Variants in RBM47 observed in about 807,000 individuals in gnomAD.
RBM47 encodes the protein RNA-binding protein 47.
In RBM47, 21 loss-of-function variants were observed where a neutral mutation model predicts 47.1. That is an observed-to-expected ratio of 0.45 (90% CI 0.32 to 0.64). RBM47 has a LOEUF of 0.64. RBM47 is among the 30% of genes least tolerant of loss of function. RBM47 has a pLI of 0.05. For synonymous variants in RBM47, 375 were observed against 361.7 expected, an observed-to-expected ratio of 1.04 and a Z score of -0.42; for missense variants, 708 against 870.9, an observed-to-expected ratio of 0.81 and a Z score of 2.35.
intron 3 of RBM47, among the ~76,000 whole-genome samples, chr4:40,454,800 C>T (rs1223148952): frequency 6.6e-6 from 1 of 152,136 alleles, no homozygotes; most frequent in Non-Finnish European, 1.5e-5. Context: ...GGCCATACTG[C>T]CCCTTTTTAA....
chr4:40,490,931 A>C (rs1473891835), intron 2 of RBM47, among the ~76,000 whole-genome samples: 1 of 152,180 alleles, frequency 6.6e-6, no homozygotes, highest in Non-Finnish European at 1.5e-5. Flanking sequence ...TAAAATTCCT[A>C]CAGAAATTCA....
At chr4:40,471,034 C>T (rs920422319) in intron 2 of RBM47, among the ~76,000 whole-genome samples, 2 of 152,168 alleles carry the variant, frequency 1.3e-5, no homozygotes, top group African/African-American at 2.4e-5. Context: ...TGAGCCACCG[C>T]GTCTCGCCAG....
intron 2 of RBM47, among the ~76,000 whole-genome samples, chr4:40,486,069 C>CAAAAAAAAAAAA (rs201408070): frequency 6.4e-5 from 4 of 62,816 alleles, no homozygotes; most frequent in Admixed American, 2.1e-4. Context: ...AACCCTGTTT[C>CAAAAAAAAAAAA]AAAAAAAAAA....
chr4:40,521,736 G>T (rs1726211004), intron 2 of RBM47, among the ~76,000 whole-genome samples: 1 of 152,118 alleles, frequency 6.6e-6, no homozygotes, highest in Non-Finnish European at 1.5e-5. Context: ...GCACTTCAAA[G>T]AACACAACAG....
intron 2 of RBM47, among the ~76,000 whole-genome samples, chr4:40,496,568 AC>A (rs1400154048): frequency 6.6e-6 from 1 of 152,180 alleles, no homozygotes; most frequent in Non-Finnish European, 1.5e-5. Flanking sequence ...CCAAATAGCT[AC>A]CAACCAAAAT....
At position 40,438,572 on chromosome 4, in the gene RBM47, C is replaced by A. The variant is rs748051934; in HGVS notation, c.322G>T (p.Gly108Cys). 1 of 1,613,952 alleles carries A rather than the reference C, an allele frequency of 6.2e-7. No individual in the cohort carries two copies. The highest frequency in any genetic ancestry group is 8.5e-7 in the Non-Finnish European group (1 of 1,179,980). Residue 108 changes from glycine to cysteine, a missense_variant, in exon 4 of 7, where the codon GGC (glycine) becomes TGC (cysteine). Coordinates refer to ENST00000295971, the MANE Select transcript of RBM47 (RefSeq NM_001098634.2). ...YELRLMMDFD[G>C]KNRGYAFVMY... is the part of the protein sequence containing the mutation. ...ACGAAGGCGTAGCCGCGGTTCTTGC[C>A]GTCAAAGTCCATCATGAGGCGCAGC...
intron 2 of RBM47, among the ~76,000 whole-genome samples, chr4:40,473,379 T>A (rs1433743586): frequency 6.6e-6 from 1 of 152,162 alleles, no homozygotes; most frequent in Admixed American, 6.6e-5. Flanking sequence ...TGCACTCCAA[T>A]CTGGAAGAGT....
intron 5 of RBM47, among the ~76,000 whole-genome samples, chr4:40,434,295 C>T (rs1031345826): frequency 6.6e-6 from 1 of 152,128 alleles, no homozygotes; most frequent in Admixed American, 6.6e-5. Context: ...CCTGGTGCCT[C>T]TCCTAAAATA....
At chr4:40,486,915 G>A (rs1178853771) in intron 2 of RBM47, among the ~76,000 whole-genome samples, 1 of 152,196 alleles carries the variant, frequency 6.6e-6, no homozygotes, top group Admixed American at 6.5e-5. Context: ...GTTCTTAACT[G>A]TCAGGTGATC....
chr4:40,596,958 T>A (rs1734809209), intron 1 of RBM47, among the ~76,000 whole-genome samples: 1 of 152,200 alleles, frequency 6.6e-6, no homozygotes, highest in Non-Finnish European at 1.5e-5. Flanking sequence ...AGTATTTAAG[T>A]ATTTAAAGTT....
intron 2 of RBM47, among the ~76,000 whole-genome samples, chr4:40,513,900 G>A (rs921760512): frequency 6.6e-6 from 1 of 151,796 alleles, no homozygotes; most frequent in Non-Finnish European, 1.5e-5. Context: ...TGTATTTTTG[G>A]TAGAGATGGG....
intron 2 of RBM47, among the ~76,000 whole-genome samples, chr4:40,508,899 G>T (rs1724485629): frequency 6.6e-6 from 1 of 152,192 alleles, no homozygotes; most frequent in Non-Finnish European, 1.5e-5. Context: ...AGTGGCTCAC[G>T]CCTGTAATCC....
rs1717233387 is a variant in RBM47 at position 40,462,110 on chromosome 4, G to C, written c.-32+4467C>G. 2.0e-5 allele frequency among the ~76,000 whole-genome samples: 3 copies of C among 152,122 alleles called. No individual in the cohort carries two copies. In the South Asian group the frequency reaches 6.2e-4, roughly 32 times the overall value. On this transcript the variant is annotated intron_variant, in intron 3 of 6. Coordinates refer to ENST00000295971, the MANE Select transcript of RBM47 (RefSeq NM_001098634.2). ...TACTGTCATCTCCAAGCCCGTCAGA[G>C]AACAGCGCCCGTCCAGTGCAGACAT...
chr4:40,555,913 T>C (rs1463350701), intron 1 of RBM47, among the ~76,000 whole-genome samples: 2 of 152,198 alleles, frequency 1.3e-5, no homozygotes, highest in Non-Finnish European at 2.9e-5. Context: ...CCAGAAGTCA[T>C]GGCCACTTTC....
chr4:40,531,123 T>C (rs1727345432), intron 2 of RBM47, among the ~76,000 whole-genome samples: 1 of 152,046 alleles, frequency 6.6e-6, no homozygotes, highest in South Asian at 2.1e-4. Flanking sequence ...GAATTCTCTA[T>C]GCAACCATTG....
chr4:40,608,360 A>T (rs1735951251), intron 1 of RBM47, among the ~76,000 whole-genome samples: 1 of 152,148 alleles, frequency 6.6e-6, no homozygotes, highest in South Asian at 2.1e-4. Context: ...CAGCAGAGCG[A>T]CCAATAGGTA....
In RBM47 at chr4:40,628,851, G is replaced by A. The variant is rs146086131; in HGVS notation, c.-240+545C>T. Among the ~76,000 whole-genome samples the A allele has an allele frequency of 4.2e-3, 637 of 152,010 alleles. 5 individuals carry two copies. The highest frequency in any genetic ancestry group is 0.014 in the African/African-American group (593 of 41,426). On this transcript the variant is annotated intron_variant, in intron 1 of 6. Coordinates refer to ENST00000295971, the MANE Select transcript of RBM47 (RefSeq NM_001098634.2). The surrounding 1 kb of genome is among the most constrained non-coding windows in gnomAD (Gnocchi z 4.0). ...ATTTTATCTGATTTCTTAAATATCCGGTCAACTGCTAATTTGTCAGATGTC... is the reference window on the plus strand; with the variant it reads ...ATTTTATCTGATTTCTTAAATATCCAGTCAACTGCTAATTTGTCAGATGTC...
intron 2 of RBM47, among the ~76,000 whole-genome samples, chr4:40,498,194 C>T (rs969279557): frequency 6.6e-6 from 1 of 151,508 alleles, no homozygotes; most frequent in Non-Finnish European, 1.5e-5. Flanking sequence ...GCTGGTTCTG[C>T]TTAGTTTGAT....
At chr4:40,436,672 A>T (rs559588520) in intron 4 of RBM47, 25 bp from the exon 5 acceptor site, 1 of 1,609,824 alleles carries the variant, frequency 6.2e-7, no homozygotes, top group South Asian at 1.1e-5. Flanking sequence ...ACAAAAGATG[A>T]TCAGCAACCA....
Sources: gnomAD v4.1 joint callset for allele counts (sites outside exome capture counted in the v4.1 genomes callset) on GRCh38, gnomAD v4.1.1 for gene constraint, Gnocchi (gnomAD v3.1) non-coding constraint, MANE v1.5 for transcripts, NCBI Gene and HGNC (gene_info 2026-07-23, HGNC 2026-07-21) for gene names.